LRRC8C: variants seen among roughly 807,000 people sequenced by gnomAD.
LRRC8C encodes the protein volume-regulated anion channel subunit LRRC8C.
Under a neutral mutation model 55.3 loss-of-function variants are expected in LRRC8C, and 20 were observed. The observed-to-expected ratio is 0.36, with a 90% CI of 0.25 to 0.53. LRRC8C has a LOEUF of 0.53. Among genes scored for constraint, LRRC8C ranks in the 20% least tolerant of loss-of-function variants. The pLI, the probability that LRRC8C is intolerant of heterozygous loss-of-function variation, is 0.92. For synonymous variants in LRRC8C, 376 were observed against 360.7 expected (o/e 1.04, Z -0.48); for missense variants, 659 against 951.4 (o/e 0.69, Z 4.04).
At chr1:89,635,693 A>G (rs1193481213) in intron 1 of LRRC8C, among the ~76,000 whole-genome samples, 1 of 152,224 alleles carries the variant, frequency 6.6e-6, no homozygotes, top group Non-Finnish European at 1.5e-5. Context: ...CGTTTTCCAT[A>G]TAACAGAATT....
chr1:89,655,406 A>T (rs961768970), intron 1 of LRRC8C, among the ~76,000 whole-genome samples: 3 of 151,880 alleles, frequency 2.0e-5, no homozygotes, highest in African/African-American at 7.3e-5. Context: ...TTGATTGTGT[A>T]TTTGTCTTAT....
chr1:89,626,243 A>G, the LRRC8C span: 1 of 152,226 alleles, frequency 6.6e-6, no homozygotes, highest in Non-Finnish European at 1.5e-5. Flanking sequence ...TACACTACAT[A>G]TGTATATAGC....
intron 1 of LRRC8C, among the ~76,000 whole-genome samples, chr1:89,633,634 TG>T (rs376031627): frequency 3.3e-5 from 5 of 151,374 alleles, no homozygotes; most frequent in Admixed American, 1.3e-4. Context: ...GGCGCGGGGG[TG>T]GGGGGGCGGT....
At chr1:89,693,723 T>G (rs1445169871) in intron 2 of LRRC8C, among the ~76,000 whole-genome samples, 1 of 136,050 alleles carries the variant, frequency 7.4e-6, no homozygotes, top group Non-Finnish European at 1.5e-5. Context: ...AGAGGCGCGG[T>G]CTCGGCTCAC....
chr1:89,628,212 T>C (rs2101160142), upstream of LRRC8C, among the ~76,000 whole-genome samples: 1 of 152,296 alleles, frequency 6.6e-6, no homozygotes, highest in East Asian at 1.9e-4. Flanking sequence ...TTTAGGTCCT[T>C]GGTACTGTAG....
chr1:89,713,219 C>A lies in LRRC8C; in HGVS notation c.649C>A (p.Pro217Thr). The A allele has an allele frequency of 6.2e-7, 1 of 1,614,164 alleles. No individual in the cohort carries two copies. ...CAACTCTCAGTCTTTAAAGTCCATT[C>A]CTGAGAAGTTTGTAGTTGATAAATC... Reference protein sequence around the residue: ...LVNSQSLKSIPEKFVVDKSTA... With the variant: ...LVNSQSLKSITEKFVVDKSTA... Residue 217 changes from proline (P) to threonine (T), a missense_variant, in exon 3 of 3, where the codon CCT becomes ACT. By Grantham distance (38) the Pro-to-Thr change is conservative (BLOSUM62 -1). Around this residue, in one of 5 missense-constraint regions of LRRC8C, gnomAD observed 200 missense variants for 360.5 expected, o/e 0.55. Transcript: ENST00000370454. The surrounding 1 kb of genome is among the most constrained non-coding windows in gnomAD (Gnocchi z 5.2).
chr1:89,708,889 T>C (rs937534011), intron 2 of LRRC8C, among the ~76,000 whole-genome samples: 1 of 152,226 alleles, frequency 6.6e-6, no homozygotes, highest in African/African-American at 2.4e-5. Context: ...AGGAGTCTTC[T>C]TGTGATGTGT....
At chr1:89,710,080 G>T (rs1276934490) in intron 2 of LRRC8C, among the ~76,000 whole-genome samples, 1 of 152,092 alleles carries the variant, frequency 6.6e-6, no homozygotes, top group African/African-American at 2.4e-5. Flanking sequence ...TAACAATATC[G>T]TATTAACAAT....
chr1:89,641,104 A>C (rs1656442246), intron 1 of LRRC8C, among the ~76,000 whole-genome samples: 1 of 152,240 alleles, frequency 6.6e-6, no homozygotes, highest in Non-Finnish European at 1.5e-5. Context: ...GAATAAATAT[A>C]TGAATAAAAT....
At chr1:89,694,149 A>G (rs1461627592) in intron 2 of LRRC8C, among the ~76,000 whole-genome samples, 1 of 152,108 alleles carries the variant, frequency 6.6e-6, no homozygotes. Context: ...TATCAAAAAT[A>G]TGCCTTAGTT....
At chr1:89,653,813 A>G (rs1656857977) in intron 1 of LRRC8C, among the ~76,000 whole-genome samples, 1 of 152,254 alleles carries the variant, frequency 6.6e-6, no homozygotes, top group Non-Finnish European at 1.5e-5. Flanking sequence ...TTGTGGAAAT[A>G]GCAGATTTGG....
intron 1 of LRRC8C, among the ~76,000 whole-genome samples, chr1:89,652,809 A>C (rs1381600465): frequency 6.6e-6 from 1 of 152,164 alleles, no homozygotes; most frequent in Non-Finnish European, 1.5e-5. Context: ...GAGAAGGGGG[A>C]ATCGTTGCAA....
intron 1 of LRRC8C, among the ~76,000 whole-genome samples, chr1:89,655,206 T>C (rs947771644): frequency 6.6e-6 from 1 of 152,186 alleles, no homozygotes; most frequent in Non-Finnish European, 1.5e-5. Flanking sequence ...TTCATCAACA[T>C]TATCTAACCT....
At chr1:89,674,959 G>C (rs1468314983) in intron 1 of LRRC8C, among the ~76,000 whole-genome samples, 2 of 152,038 alleles carry the variant, frequency 1.3e-5, no homozygotes, top group African/African-American at 2.4e-5. Flanking sequence ...GTTTAACCTA[G>C]CTGGAAATTT....
intron 2 of LRRC8C, among the ~76,000 whole-genome samples, chr1:89,688,636 A>G (rs1286838898): frequency 6.6e-6 from 1 of 152,220 alleles, no homozygotes; most frequent in African/African-American, 2.4e-5. Context: ...AGAGGCACAT[A>G]GTGAAAGGAA....
chr1:89,623,751 C>G, the LRRC8C span, among the ~76,000 whole-genome samples: 1 of 151,910 alleles, frequency 6.6e-6, no homozygotes. Flanking sequence ...CACAACAGGC[C>G]TAGAAAAGCA....
intron 1 of LRRC8C, chr1:89,661,377 A>T (rs1398385377): frequency 6.0e-6 from 2 of 332,780 alleles, no homozygotes. Context: ...GTGCTGCTCC[A>T]GTACCTCCAG....
At chr1:89,624,533 T>C in the LRRC8C span, among the ~76,000 whole-genome samples, 1 of 152,210 alleles carries the variant, frequency 6.6e-6, no homozygotes, top group Admixed American at 6.5e-5. Flanking sequence ...AGCTGCACTA[T>C]TACCAATGAG....
intron 1 of LRRC8C, among the ~76,000 whole-genome samples, chr1:89,653,805 G>T (rs1446999356): frequency 6.6e-6 from 1 of 152,220 alleles, no homozygotes; most frequent in African/African-American, 2.4e-5. Flanking sequence ...ATGGATGGTT[G>T]TGGAAATAGC....
Sources: gnomAD v4.1 joint callset for allele counts (sites outside exome capture counted in the v4.1 genomes callset) on GRCh38, gnomAD v4.1.1 for gene constraint, gnomAD v4.1.1 regional missense constraint, Gnocchi (gnomAD v3.1) non-coding constraint, MANE v1.5 for transcripts, NCBI Gene and HGNC (gene_info 2026-07-23, HGNC 2026-07-21) for gene names.